SMPDL3A: variants seen among roughly 807,000 people sequenced by gnomAD.
SMPDL3A encodes the protein sphingomyelin phosphodiesterase acid like 3A.
A neutral mutation model predicts 38.5 loss-of-function variants in SMPDL3A; 39 were observed. That is an observed-to-expected ratio of 1.01 (90% CI 0.78 to 1.32). The LOEUF (loss-of-function observed/expected upper bound fraction) is 1.32, where lower values mean the gene tolerates loss of function less well. SMPDL3A is among the 40% of genes most tolerant of loss of function. SMPDL3A has a pLI of 0.00. For missense variants in SMPDL3A, 502 were observed against 536.2 expected (o/e 0.94, Z 0.63); for synonymous variants, 180 against 194.3 (o/e 0.93, Z 0.61).
chr6:122,794,571 C>T (rs911947348), intron 1 of SMPDL3A, among the ~76,000 whole-genome samples: 3 of 152,020 alleles, frequency 2.0e-5, no homozygotes, highest in Non-Finnish European at 4.4e-5. Context: ...CACTCCAGCA[C>T]TGGAGACAGT....
Position 122,801,414 on chromosome 6 carries a change from A to ACAACTAATCC in SMPDL3A, c.568+8_568+9insCAACTAATCC. 1 of 1,559,166 alleles carries ACAACTAATCC rather than the reference A, an allele frequency of 6.4e-7. No homozygotes were observed. On this transcript the variant is annotated intron_variant, in intron 4 of 7. Coordinates refer to ENST00000368440, the MANE Select transcript of SMPDL3A (RefSeq NM_006714.5). Reference sequence around the variant, plus strand: ...TTAGTACTTTAAGGAAAGGTAAGTGAAAGACTTAGTTATTCCTATTTTGCC... The same window carrying ACAACTAATCC: ...TTAGTACTTTAAGGAAAGGTAAGTGACAACTAATCCAAGACTTAGTTATTCCTATTTTGCC...
chr6:122,807,647 C>T (rs1781677859), intron 7 of SMPDL3A, among the ~76,000 whole-genome samples: 1 of 152,100 alleles, frequency 6.6e-6, no homozygotes. Flanking sequence ...GGTAACTTCC[C>T]CTTTCTACAA....
intron 4 of SMPDL3A, among the ~76,000 whole-genome samples, chr6:122,802,358 C>A (rs1781455358): frequency 6.6e-6 from 1 of 152,018 alleles, no homozygotes; most frequent in South Asian, 2.1e-4. Context: ...CCTGCCACCA[C>A]ACCTGGCTAA....
chr6:122,800,880 A>T (rs923533332), intron 3 of SMPDL3A, among the ~76,000 whole-genome samples: 1 of 152,064 alleles, frequency 6.6e-6, no homozygotes, highest in South Asian at 2.1e-4. Flanking sequence ...CCTCCCAAGT[A>T]GCTATGATTA....
At position 122,802,195 on chromosome 6, in the gene SMPDL3A, CT is replaced by C. The variant is rs3031702; in HGVS notation, c.568+809del. Among the ~76,000 whole-genome samples, 406 of 123,532 alleles carry C rather than the reference CT, an allele frequency of 3.3e-3. 3 individuals carry two copies. The highest frequency in any genetic ancestry group is 4.8e-3 in the Admixed American group (58 of 12,058). The allele number at this position is 123,532 out of a possible 152,430, so 81.0% of individuals were successfully genotyped here. On this transcript the variant is annotated intron_variant, in intron 4 of 7. Transcript: ENST00000368440. ...ATTAATCTAGGGAACTATATCTAGT[CT>C]TTTTTTTTTTTTTTTTTTTATTAAG...
At chr6:122,793,784 C>A (rs1317916245) in intron 1 of SMPDL3A, among the ~76,000 whole-genome samples, 1 of 152,134 alleles carries the variant, frequency 6.6e-6, no homozygotes, top group Non-Finnish European at 1.5e-5. Context: ...ACCCCTTTCA[C>A]CTTAACGTAT....
At chr6:122,795,143 A>G (rs962493977) in intron 1 of SMPDL3A, among the ~76,000 whole-genome samples, 2 of 151,896 alleles carry the variant, frequency 1.3e-5, no homozygotes, top group East Asian at 3.9e-4. Context: ...TACTGAGCTC[A>G]TCGGTTCTTT....
At chr6:122,800,159 T>C (rs1781382118) in intron 3 of SMPDL3A, among the ~76,000 whole-genome samples, 2 of 152,074 alleles carry the variant, frequency 1.3e-5, no homozygotes, top group South Asian at 4.1e-4. Flanking sequence ...CTTAAAGTTT[T>C]GTTTGTTTGT....
At chr6:122,800,602 C>A (rs572440078) in intron 3 of SMPDL3A, among the ~76,000 whole-genome samples, 3 of 152,266 alleles carry the variant, frequency 2.0e-5, no homozygotes, top group African/African-American at 7.2e-5. Context: ...TTGCCTGTGC[C>A]TATGCCTATG....
intron 4 of SMPDL3A, among the ~76,000 whole-genome samples, chr6:122,803,052 C>T (rs1341383447): frequency 4.6e-5 from 7 of 152,272 alleles, no homozygotes; most frequent in Admixed American, 3.3e-4. Flanking sequence ...TAGGGAAAGC[C>T]GTGCATAGTG....
At chr6:122,801,752 C>A (rs1175837339) in intron 4 of SMPDL3A, among the ~76,000 whole-genome samples, 1 of 152,194 alleles carries the variant, frequency 6.6e-6, no homozygotes, top group Non-Finnish European at 1.5e-5. Context: ...AACTTCTAAC[C>A]AAGCAGCACA....
At chr6:122,801,036 C>T (rs1781413509) in intron 3 of SMPDL3A, among the ~76,000 whole-genome samples, 1 of 152,220 alleles carries the variant, frequency 6.6e-6, no homozygotes, top group Non-Finnish European at 1.5e-5. Flanking sequence ...TAGGCATGAG[C>T]CACTGCACCT....
intron 3 of SMPDL3A, among the ~76,000 whole-genome samples, chr6:122,799,847 A>G: frequency 6.6e-6 from 1 of 152,220 alleles, no homozygotes; most frequent in Admixed American, 6.5e-5. Context: ...AATGTACAGA[A>G]GTAAATGAAG....
At chr6:122,795,588 C>T (rs1248044180) in intron 1 of SMPDL3A, 89 bp from the exon 2 acceptor site, 3 of 970,634 alleles carry the variant, frequency 3.1e-6, no homozygotes, top group Non-Finnish European at 3.1e-6. Context: ...CAGGGAGGAA[C>T]AACCGTCTCT....
At chr6:122,792,664 G>A (rs1288357229) in intron 1 of SMPDL3A, among the ~76,000 whole-genome samples, 1 of 147,902 alleles carries the variant, frequency 6.8e-6, no homozygotes, top group South Asian at 2.1e-4. Context: ...TAGAGACAGG[G>A]TCTCTGTCAC....
chr6:122,803,739 G>A lies in SMPDL3A; in HGVS notation c.644G>A (p.Gly215Asp), dbSNP rs150118372. ...IISLNTNLYY[G>D]PNIMTLNKTD... ...AGTCTAAACACAAACTTGTACTACG[G>A]CCCAAATATAATGACACTGAACAAG... The change falls in exon 5 of 8, where the codon GGC becomes GAC. Residue 215 changes from glycine to aspartate, a missense_variant. By Grantham distance (94) the Gly-to-Asp change is moderately conservative. Coordinates refer to ENST00000368440, the MANE Select transcript of SMPDL3A (RefSeq NM_006714.5). The A allele has an allele frequency of 3.1e-6, 5 of 1,613,726 alleles. No individual in the cohort carries two copies. The highest frequency in any genetic ancestry group is 4.2e-6 in the Non-Finnish European group (5 of 1,179,922).
chr6:122,804,918 A>T lies in SMPDL3A; in HGVS notation c.748A>T (p.Ile250Leu). 6.2e-7 allele frequency: 1 copy of T among 1,611,098 alleles called. No homozygotes were observed. Among genetic ancestry groups the T allele is most frequent in the Non-Finnish European group, 8.5e-7 (1 of 1,179,138 alleles). Reference protein sequence around the residue: ...SQQNKEKVYIIAHVPVGYLPS... With the variant: ...SQQNKEKVYILAHVPVGYLPS... ...GTGTTTCTTTTTCCAGGTGTATATC[A>T]TAGCACATGTTCCAGTGGGGTATCT... Residue 250 changes from isoleucine (I) to leucine (L), a missense_variant, in exon 6 of 8, where the codon ATA (isoleucine) becomes TTA (leucine). Ile to Leu is a conservative substitution (Grantham distance 5). Coordinates refer to ENST00000368440, the MANE Select transcript of SMPDL3A (RefSeq NM_006714.5).
intron 1 of SMPDL3A, among the ~76,000 whole-genome samples, chr6:122,793,139 A>G (rs2115160207): frequency 6.6e-6 from 1 of 152,362 alleles, no homozygotes; most frequent in South Asian, 2.1e-4. Flanking sequence ...CATAAAAAAT[A>G]GTACTAAACA....
intron 7 of SMPDL3A, among the ~76,000 whole-genome samples, chr6:122,808,014 A>G (rs11751996): frequency 0.27 from 41,411 of 152,108 alleles, 6,295 homozygotes; most frequent in Middle Eastern, 0.39. Context: ...ACGTGTGTAC[A>G]TATGTACTGA....
Sources: gnomAD v4.1 joint callset for allele counts (sites outside exome capture counted in the v4.1 genomes callset) on GRCh38, gnomAD v4.1.1 for gene constraint, MANE v1.5 for transcripts, NCBI Gene and HGNC (gene_info 2026-07-23, HGNC 2026-07-21) for gene names.